TBC1D23: variants seen among roughly 807,000 people sequenced by gnomAD.
TBC1D23 encodes the protein HCV non-structural protein 4A-transactivated protein 1.
TBC1D23 carries 55 observed loss-of-function variants against 91.4 expected under a neutral mutation model. That is an observed-to-expected ratio of 0.60 (90% CI 0.48 to 0.75). TBC1D23 has a LOEUF of 0.75. Among genes scored for constraint, TBC1D23 ranks in the 30% least tolerant of loss-of-function variants. TBC1D23 has a pLI of 0.00. For missense variants in TBC1D23, 725 were observed against 836.1 expected, an observed-to-expected ratio of 0.87 and a Z score of 1.64; for synonymous variants, 289 against 281.0, an observed-to-expected ratio of 1.03 and a Z score of -0.28.
chr3:100,305,283 A>G (rs1281577974), intron 12 of TBC1D23, among the ~76,000 whole-genome samples: 1 of 152,086 alleles, frequency 6.6e-6, no homozygotes, highest in Non-Finnish European at 1.5e-5. Context: ...GAACTACTTG[A>G]AGGTATTCTC....
At chr3:100,297,234 A>C (rs922384859) in intron 8 of TBC1D23, among the ~76,000 whole-genome samples, 3 of 152,164 alleles carry the variant, frequency 2.0e-5, no homozygotes, top group African/African-American at 7.2e-5. Flanking sequence ...CGTGTCACTG[A>C]AGTGTCAAGA....
chr3:100,315,975 T>C, intron 15 of TBC1D23, 124 bp from the exon 16 acceptor site: 1 of 720,504 alleles, frequency 1.4e-6, no homozygotes, highest in Non-Finnish European at 2.5e-6. Context: ...GGGTAGTACA[T>C]GGGGTTTTGG....
Position 100,316,168 on chromosome 3 carries a change from TGAA to T in TBC1D23, c.1675_1677del (p.Glu559del), listed in dbSNP as rs1705741063. The T allele has an allele frequency of 1.9e-6, 3 of 1,613,782 alleles. No individual in the cohort carries two copies. The highest frequency in any genetic ancestry group is 1.1e-5 in the South Asian group (1 of 91,076). On this transcript the variant is annotated inframe_deletion, in exon 16 of 19. Coordinates refer to ENST00000394144, the MANE Select transcript of TBC1D23 (RefSeq NM_001199198.3). Reference sequence around the variant, plus strand: ...TAAAGCCTGTTTTCAGCATTGGGGATGAAGAAGAATACGACACAGGTGTAGTAA... The same window carrying T: ...TAAAGCCTGTTTTCAGCATTGGGGATGAAGAATACGACACAGGTGTAGTAA...
intron 1 of TBC1D23, among the ~76,000 whole-genome samples, chr3:100,261,755 C>G (rs750178281): frequency 2.0e-5 from 3 of 152,104 alleles, no homozygotes; most frequent in African/African-American, 7.2e-5. Context: ...GGGGGAAGAC[C>G]GCCAATAATT....
intron 1 of TBC1D23, among the ~76,000 whole-genome samples, chr3:100,263,902 C>T (rs1001299201): frequency 1.3e-5 from 2 of 152,130 alleles, no homozygotes; most frequent in Admixed American, 1.3e-4. Flanking sequence ...CATTTTTTCT[C>T]TTGTAGGATT....
intron 4 of TBC1D23, among the ~76,000 whole-genome samples, chr3:100,289,221 AC>A (rs767368024): frequency 2.0e-5 from 3 of 152,162 alleles, no homozygotes; most frequent in Non-Finnish European, 4.4e-5. Context: ...TCTTAAAAAA[AC>A]AAAACAAAAA....
intron 2 of TBC1D23, among the ~76,000 whole-genome samples, chr3:100,280,718 A>G (rs1469691747): frequency 6.6e-6 from 1 of 152,212 alleles, no homozygotes; most frequent in African/African-American, 2.4e-5. Context: ...ATGAACTCCC[A>G]TGTGCCCATA....
intron 1 of TBC1D23, among the ~76,000 whole-genome samples, chr3:100,273,553 A>C (rs1050954591): frequency 1.3e-5 from 2 of 152,200 alleles, no homozygotes; most frequent in East Asian, 3.8e-4. Flanking sequence ...AAAGAGCCCA[A>C]ATAGCCTAGG....
At chr3:100,279,542 CT>C (rs1178881308) in intron 1 of TBC1D23, 106 bp from the exon 2 acceptor site, 2 of 706,568 alleles carry the variant, frequency 2.8e-6, no homozygotes, top group Admixed American at 2.9e-5. Flanking sequence ...TTGCTGAGAA[CT>C]TTTGTTTCTT....
intron 14 of TBC1D23, among the ~76,000 whole-genome samples, chr3:100,311,163 G>A (rs1424676527): frequency 6.6e-6 from 1 of 152,138 alleles, no homozygotes; most frequent in Non-Finnish European, 1.5e-5. Flanking sequence ...AGAGTTCAAA[G>A]CTAACCTTAT....
rs6764049 is a variant in TBC1D23, at chr3:100,309,686, A to G, written c.1414-717A>G. On this transcript the variant is annotated intron_variant, in intron 13 of 18. Transcript: ENST00000394144. ...GAGTGCAGTGGTACAATCTCAGCACACTGCAACCTCCACCTCACAGGTTCA... is the reference window on the plus strand; with the variant it reads ...GAGTGCAGTGGTACAATCTCAGCACGCTGCAACCTCCACCTCACAGGTTCA... Among the ~76,000 whole-genome samples the G allele has an allele frequency of 7.2e-3, 1,010 of 140,238 alleles. 15 individuals carry two copies. The highest frequency in any genetic ancestry group is 0.026 in the African/African-American group (969 of 37,536). The allele number at this position is 140,238 out of a possible 152,430, so 92.0% of individuals were successfully genotyped here.
chr3:100,289,235 A>C (rs557283912), intron 4 of TBC1D23, among the ~76,000 whole-genome samples: 24 of 152,074 alleles, frequency 1.6e-4, no homozygotes, highest in East Asian at 3.9e-4. Flanking sequence ...AACAAAAAAA[A>C]CCCAAAAAAC....
At position 100,290,692 on chromosome 3, in the gene TBC1D23, A is replaced by G. The variant is rs565493388; in HGVS notation, c.591A>G (p.Ala197=). The change falls in exon 5 of 19, where the codon GCA becomes GCG. Residue 197 remains alanine, a synonymous_variant. Coordinates refer to ENST00000394144, the MANE Select transcript of TBC1D23 (RefSeq NM_001199198.3). ...AGAAAATTACTCCAGACTCCTATGC[A>G]CTCAACTGGGTAATAAAGTGAAAGT... is the stretch of plus-strand genomic sequence containing the variant. ...DTKKITPDSY[A]LNWLGSLFAC... 7 of 1,606,554 alleles carry G rather than the reference A, an allele frequency of 4.4e-6. No individual in the cohort carries two copies. Among genetic ancestry groups the G allele is most frequent in the Non-Finnish European group, 6.0e-6 (7 of 1,175,698 alleles).
At chr3:100,278,831 G>T (rs1178482129) in intron 1 of TBC1D23, among the ~76,000 whole-genome samples, 1 of 152,076 alleles carries the variant, frequency 6.6e-6, no homozygotes, top group Admixed American at 6.6e-5. Flanking sequence ...AAACTGCTTG[G>T]TAATTTACTT....
At chr3:100,308,489 A>G (rs1705558541) in intron 13 of TBC1D23, among the ~76,000 whole-genome samples, 1 of 152,214 alleles carries the variant, frequency 6.6e-6, no homozygotes, top group Non-Finnish European at 1.5e-5. Flanking sequence ...AAAAAAAAAA[A>G]AATTTGAAAG....
intron 1 of TBC1D23, 88 bp downstream of exon 1, chr3:100,261,159 GC>G: frequency 1.5e-6 from 2 of 1,353,380 alleles, no homozygotes; most frequent in Non-Finnish European, 2.1e-6. Flanking sequence ...TCTGGCGTCG[GC>G]ATGGAACGGA....
At chr3:100,291,984 C>T (rs1354510753) in intron 5 of TBC1D23, among the ~76,000 whole-genome samples, 1 of 152,000 alleles carries the variant, frequency 6.6e-6, no homozygotes, top group African/African-American at 2.4e-5. Flanking sequence ...AGGCTGGTCT[C>T]GAACTCCTAA....
At chr3:100,272,190 C>G (rs530786639) in intron 1 of TBC1D23, among the ~76,000 whole-genome samples, 1 of 152,268 alleles carries the variant, frequency 6.6e-6, no homozygotes, top group South Asian at 2.1e-4. Context: ...ATAAGTTGAA[C>G]TTGTTTCGCC....
chr3:100,295,656 A>G (rs148779162), intron 7 of TBC1D23, among the ~76,000 whole-genome samples: 5 of 152,056 alleles, frequency 3.3e-5, no homozygotes, highest in African/African-American at 1.2e-4. Context: ...TTACCTTTCA[A>G]TACTCAGTTT....
Sources: allele counts gnomAD v4.1 joint callset (sites outside exome capture counted in the v4.1 genomes callset), GRCh38; gene constraint gnomAD v4.1.1; transcripts MANE v1.5; gene names NCBI Gene and HGNC (gene_info 2026-07-23, HGNC 2026-07-21).